The following ROR1 variants were observed in gnomAD, a reference collection of about 807,000 sequenced individuals.
The protein encoded by ROR1 is inactive tyrosine-protein kinase transmembrane receptor ROR1.
Under a neutral mutation model 78.8 loss-of-function variants are expected in ROR1, and 19 were observed. The observed-to-expected ratio is 0.24, with a 90% CI of 0.17 to 0.35. ROR1 has a LOEUF of 0.35. Ranked by LOEUF, ROR1 falls within the 10% of genes least tolerant of loss-of-function variation. The pLI, the probability that ROR1 is intolerant of heterozygous loss-of-function variation, is 1.00. For missense variants in ROR1, 917 were observed against 1,177.8 expected (o/e 0.78, Z 3.24); for synonymous variants, 386 against 433.6 (o/e 0.89, Z 1.36).
At chr1:63,880,786 C>T (rs1645317105) in intron 1 of ROR1, among the ~76,000 whole-genome samples, 2 of 152,126 alleles carry the variant, frequency 1.3e-5, no homozygotes, top group South Asian at 2.1e-4. Flanking sequence ...ATCTATCCTT[C>T]CATCCATCCA....
intron 1 of ROR1, among the ~76,000 whole-genome samples, chr1:63,875,925 T>C (rs1217955761): frequency 6.6e-6 from 1 of 152,218 alleles, no homozygotes; most frequent in South Asian, 2.1e-4. Context: ...CCTGGCACTC[T>C]GGGATTTATT....
intron 1 of ROR1, among the ~76,000 whole-genome samples, chr1:63,952,076 G>A (rs903554702): frequency 6.6e-6 from 1 of 152,168 alleles, no homozygotes; most frequent in African/African-American, 2.4e-5. Context: ...GGTGACAATG[G>A]TTAAAAATGA....
intron 2 of ROR1, among the ~76,000 whole-genome samples, chr1:64,047,888 T>C (rs924717637): frequency 1.3e-5 from 2 of 152,220 alleles, no homozygotes; most frequent in Non-Finnish European, 2.9e-5. Flanking sequence ...TAATTATTCA[T>C]TGGCTTAAGT....
intron 8 of ROR1, among the ~76,000 whole-genome samples, chr1:64,162,907 G>T (rs1649984611): frequency 1.3e-5 from 2 of 152,004 alleles, no homozygotes; most frequent in Non-Finnish European, 2.9e-5. Context: ...CCCCTGCCAG[G>T]TATGACTCTG....
rs1026892288 is a variant in ROR1, at chr1:64,178,281, G to T, written c.2240G>T (p.Arg747Leu). The part of the protein sequence containing the change: ...PRFKDIHVRL[R>L]SWEGLSSHTS... ...TTTAAAGATATTCACGTCCGGCTTC[G>T]GTCCTGGGAGGGACTCTCAAGTCAC... The change falls in exon 9 of 9, where the codon CGG becomes CTG. Residue 747 changes from arginine (R) to leucine (L), a missense_variant. By Grantham distance (102) the Arg-to-Leu change is moderately radical. Transcript: ENST00000371079. The surrounding 1 kb of genome is among the most constrained non-coding windows in gnomAD (Gnocchi z 4.3). 6.2e-7 allele frequency: 1 copy of T among 1,614,004 alleles called. No homozygotes were observed. The highest frequency in any genetic ancestry group is 2.2e-5 in the East Asian group (1 of 44,874).
chr1:64,016,122 G>A (rs1207476258), intron 2 of ROR1, among the ~76,000 whole-genome samples: 1 of 152,062 alleles, frequency 6.6e-6, no homozygotes, highest in Non-Finnish European at 1.5e-5. Flanking sequence ...CCATCACCAG[G>A]TCAATGACCT....
Position 63,963,254 on chromosome 1 carries a change from A to G in ROR1, c.92-46051A>G, listed in dbSNP as rs114902397. On this transcript the variant is annotated intron_variant, in intron 1 of 8. Coordinates refer to ENST00000371079, the MANE Select transcript of ROR1 (RefSeq NM_005012.4). Reference sequence around the variant, plus strand: ...AAAGAGTGCTATTTTTTTTCTCCTAATATCTATTTCTCTTTTAGAAAAATA... The same window carrying G: ...AAAGAGTGCTATTTTTTTTCTCCTAGTATCTATTTCTCTTTTAGAAAAATA... Among the ~76,000 whole-genome samples, 898 of 152,188 alleles carry G rather than the reference A, an allele frequency of 5.9e-3. 5 individuals carry two copies. The highest frequency in any genetic ancestry group is 0.01 in the Non-Finnish European group (686 of 67,992).
At position 64,181,307 on chromosome 1, in the gene ROR1, A is replaced by T. The variant is rs950518816; in HGVS notation, c.*2452A>T. The T allele has an allele frequency of 2.0e-5, 3 of 152,124 alleles. No individual in the cohort carries two copies. The highest frequency in any genetic ancestry group is 2.0e-4 in the Admixed American group (3 of 15,274). The allele number at this position is 152,124 out of a possible 1,614,324, so 9.4% of individuals were successfully genotyped here. On this transcript the variant is annotated 3_prime_UTR_variant, in exon 9 of 9. Coordinates refer to ENST00000371079, the MANE Select transcript of ROR1 (RefSeq NM_005012.4). ...CCATATCTTTCCTTATTTTCACTGCATGCATTTAATCACTGTATTACTTAA... is the reference window on the plus strand; with the variant it reads ...CCATATCTTTCCTTATTTTCACTGCTTGCATTTAATCACTGTATTACTTAA...
chr1:63,972,857 CTA>C (rs1239051000), intron 1 of ROR1, among the ~76,000 whole-genome samples: 1 of 152,224 alleles, frequency 6.6e-6, no homozygotes, highest in African/African-American at 2.4e-5. Context: ...TCCAGACTTA[CTA>C]TACAGTTTCT....
chr1:63,916,315 G>A (rs1165772216), intron 1 of ROR1, among the ~76,000 whole-genome samples: 2 of 152,154 alleles, frequency 1.3e-5, no homozygotes, highest in Non-Finnish European at 2.9e-5. Flanking sequence ...GGCTCATCAA[G>A]GTGGAAAACC....
chr1:63,815,808 T>C (rs947072772), intron 1 of ROR1, among the ~76,000 whole-genome samples: 1 of 152,096 alleles, frequency 6.6e-6, no homozygotes, highest in African/African-American at 2.4e-5. Flanking sequence ...GAATTACACA[T>C]ACCCAGGTCC....
In ROR1 at chr1:64,050,052, C is replaced by G. The variant is rs551328887; in HGVS notation, c.451+74C>G. On this transcript the variant is annotated intron_variant, in intron 3 of 8. Coordinates refer to ENST00000371079, the MANE Select transcript of ROR1 (RefSeq NM_005012.4). ...GTAGGATGGCTAGAGTCCACAGGGA[C>G]AGGAAGGAAGGAATGCACACTTAGT... The G allele has an allele frequency of 8.5e-5, 129 of 1,517,440 alleles. 1 individual carries two copies. In the South Asian group the frequency reaches 1.4e-3, roughly 17 times the overall value. 94.0% of individuals were successfully genotyped at this position (1,517,440 alleles called of 1,614,324 possible). A position where few individuals can be genotyped will look rare whatever the true frequency, so the allele number is the denominator to read the frequency against.
chr1:64,113,789 G>A (rs866078385), intron 4 of ROR1: 10 of 141,214 alleles, frequency 7.1e-5, no homozygotes, highest in Admixed American at 2.8e-4. Context: ...CCAGTGTTTC[G>A]TCCTAAAAAA....
At chr1:64,102,628 G>T (rs961651545) in intron 4 of ROR1, among the ~76,000 whole-genome samples, 4 of 152,176 alleles carry the variant, frequency 2.6e-5, no homozygotes, top group Non-Finnish European at 5.9e-5. Context: ...ACAAAGGTGG[G>T]CTTAGAAAAA....
chr1:63,863,929 GC>G (rs1645199314), intron 1 of ROR1, among the ~76,000 whole-genome samples: 1 of 152,004 alleles, frequency 6.6e-6, no homozygotes, highest in Non-Finnish European at 1.5e-5. Flanking sequence ...ACTATTCTCG[GC>G]CTTTCTGCAG....
intron 4 of ROR1, among the ~76,000 whole-genome samples, chr1:64,071,492 G>T (rs921893281): frequency 1.3e-4 from 20 of 152,162 alleles, no homozygotes; most frequent in Admixed American, 1.1e-3. Context: ...AATGGAATCT[G>T]CATCCAAAAT....
At chr1:63,971,258 T>G (rs1646118095) in intron 1 of ROR1, among the ~76,000 whole-genome samples, 1 of 152,168 alleles carries the variant, frequency 6.6e-6, no homozygotes, top group Admixed American at 6.5e-5. Flanking sequence ...CCCTTAGGCC[T>G]CACTTTCCTC....
chr1:64,107,775 C>A (rs72685179), intron 4 of ROR1, among the ~76,000 whole-genome samples: 22,483 of 151,850 alleles, frequency 0.15, 1,977 homozygotes, highest in Non-Finnish European at 0.2. Context: ...TACTGGGCCT[C>A]ACCTCTGACG....
chr1:64,003,998 G>A (rs990489791), intron 1 of ROR1, among the ~76,000 whole-genome samples: 5 of 152,148 alleles, frequency 3.3e-5, no homozygotes, highest in African/African-American at 4.8e-5. Flanking sequence ...ACTGACCCTG[G>A]CTGCTTGGAA....
Sources: allele counts gnomAD v4.1 joint callset (sites outside exome capture counted in the v4.1 genomes callset), GRCh38; gene constraint gnomAD v4.1.1; non-coding constraint Gnocchi (gnomAD v3.1); transcripts MANE v1.5; gene names NCBI Gene and HGNC (gene_info 2026-07-23, HGNC 2026-07-21).